ARMH3: variants seen among roughly 807,000 people sequenced by gnomAD.
The protein encoded by ARMH3 is armadillo like helical domain containing 3, also known as armadillo-like helical domain-containing protein 3.
A neutral mutation model predicts 99.1 loss-of-function variants in ARMH3; 60 were observed. That is an observed-to-expected ratio of 0.61 (90% CI 0.49 to 0.75). ARMH3 has a LOEUF of 0.75. Among genes scored for constraint, ARMH3 ranks in the 30% least tolerant of loss-of-function variants. The pLI is 0.00. For missense variants in ARMH3, 679 were observed against 843.1 expected, an observed-to-expected ratio of 0.81 and a Z score of 2.41; for synonymous variants, 285 against 292.8, an observed-to-expected ratio of 0.97 and a Z score of 0.27.
At chr10:101,937,239 T>TG (rs1157375610) in intron 23 of ARMH3, among the ~76,000 whole-genome samples, 1 of 152,150 alleles carries the variant, frequency 6.6e-6, no homozygotes, top group Admixed American at 6.5e-5. Flanking sequence ...ATGATTAGGC[T>TG]GGGCATGGTG....
At chr10:101,928,515 G>A (rs2135650141) in intron 23 of ARMH3, among the ~76,000 whole-genome samples, 1 of 152,210 alleles carries the variant, frequency 6.6e-6, no homozygotes, top group East Asian at 1.9e-4. Context: ...ACAAAAGACA[G>A]GGCACAAGCC....
At chr10:102,008,629 T>C (rs1423743989) in intron 13 of ARMH3, among the ~76,000 whole-genome samples, 1 of 152,166 alleles carries the variant, frequency 6.6e-6, no homozygotes, top group East Asian at 1.9e-4. Flanking sequence ...TTCGGCTCAC[T>C]GCAAGCTCTG....
At chr10:102,036,687 AGAGT>A (rs2067284511) in intron 2 of ARMH3, among the ~76,000 whole-genome samples, 1 of 152,050 alleles carries the variant, frequency 6.6e-6, no homozygotes, top group Admixed American at 6.6e-5. Context: ...AGGCTCGTTA[AGAGT>A]CATCACCACT....
Position 101,845,669 on chromosome 10 carries a change from A to C in ARMH3, c.*1859T>G, listed in dbSNP as rs41291492. 1 of 152,186 alleles carries C rather than the reference A, an allele frequency of 6.6e-6. No homozygotes were observed. The highest frequency in any genetic ancestry group is 1.5e-5 in the Non-Finnish European group (1 of 68,050). 9.4% of individuals were successfully genotyped at this position (152,186 alleles called of 1,614,324 possible). On this transcript the variant is annotated 3_prime_UTR_variant, in exon 26 of 26. Coordinates refer to ENST00000370033, the MANE Select transcript of ARMH3 (RefSeq NM_024541.3). The stretch of plus-strand genomic sequence containing the variant: ...AGCTCCAAATCCAGCTGCCTTGGGG[A>C]TTTATCACCAGGGAAAACACTAAAT...
chr10:101,966,285 GTTTTTTTT>G (rs34196495), intron 20 of ARMH3, among the ~76,000 whole-genome samples: 90 of 80,620 alleles, frequency 1.1e-3, no homozygotes, highest in African/African-American at 1.6e-3. Flanking sequence ...TTTGGTTTGG[GTTTTTTTT>G]TTTTTTTTTT....
chr10:101,948,592 A>G (rs1844655220), intron 22 of ARMH3, among the ~76,000 whole-genome samples: 1 of 152,238 alleles, frequency 6.6e-6, no homozygotes, highest in Non-Finnish European at 1.5e-5. Flanking sequence ...CAGCAGAGCT[A>G]CAAAACACAT....
At chr10:102,041,075 CATATATATATATATAATATAT>C (rs1333168422) in intron 1 of ARMH3, among the ~76,000 whole-genome samples, 4 of 132,006 alleles carry the variant, frequency 3.0e-5, no homozygotes, top group Non-Finnish European at 4.9e-5. Flanking sequence ...ATTGTGTGTA[CATATATATATATATAATATAT>C]ATATATATAT....
intron 20 of ARMH3, 46 bp downstream of exon 20, chr10:101,975,165 CA>C: frequency 1.2e-5 from 18 of 1,532,186 alleles, no homozygotes; most frequent in Admixed American, 1.7e-5. Flanking sequence ...CCTAGGGGCT[CA>C]AAAAAGGTAT....
chr10:101,998,513 G>C (rs1235773161), intron 15 of ARMH3, among the ~76,000 whole-genome samples: 1 of 152,298 alleles, frequency 6.6e-6, no homozygotes, highest in Non-Finnish European at 1.5e-5. Context: ...GAAGAAAAAA[G>C]TCTAAGTTTG....
At chr10:101,858,549 A>G (rs2066786705) in intron 24 of ARMH3, among the ~76,000 whole-genome samples, 1 of 152,032 alleles carries the variant, frequency 6.6e-6, no homozygotes. Context: ...AAATTGGGAG[A>G]AGTGACCTAT....
At chr10:102,025,799 G>A (rs2066987325) in intron 5 of ARMH3, among the ~76,000 whole-genome samples, 1 of 152,056 alleles carries the variant, frequency 6.6e-6, no homozygotes, top group African/African-American at 2.4e-5. Context: ...ACAGATGTGT[G>A]CCACCACACC....
chr10:102,021,001 AGTTT>A (rs1206695909), intron 8 of ARMH3, among the ~76,000 whole-genome samples: 1 of 152,064 alleles, frequency 6.6e-6, no homozygotes, highest in African/African-American at 2.4e-5. Flanking sequence ...ATTTTTTTAC[AGTTT>A]TTTTCATGTT....
chr10:101,873,550 T>G (rs1031463542), intron 24 of ARMH3, among the ~76,000 whole-genome samples: 2 of 152,192 alleles, frequency 1.3e-5, no homozygotes, highest in Non-Finnish European at 2.9e-5. Flanking sequence ...TTTTAGTATA[T>G]TCACACAGTT....
intron 24 of ARMH3, among the ~76,000 whole-genome samples, chr10:101,876,930 A>C (rs2067281155): frequency 6.6e-6 from 1 of 152,142 alleles, no homozygotes; most frequent in South Asian, 2.1e-4. Context: ...ACTACTGGCC[A>C]GGTGCGGTGG....
intron 23 of ARMH3, among the ~76,000 whole-genome samples, chr10:101,894,765 T>G (rs908355088): frequency 2.7e-5 from 4 of 149,118 alleles, no homozygotes; most frequent in Non-Finnish European, 5.9e-5. Context: ...GACAGCTACT[T>G]GGGGGGCTGA....
chr10:102,022,705 C>G (rs571407569), intron 8 of ARMH3, among the ~76,000 whole-genome samples: 1 of 148,074 alleles, frequency 6.8e-6, no homozygotes, highest in African/African-American at 2.4e-5. Context: ...CTCAGCCTCC[C>G]GAGTAGCTGG....
intron 1 of ARMH3, among the ~76,000 whole-genome samples, chr10:102,054,944 C>T (rs1304049748): frequency 1.3e-5 from 2 of 150,444 alleles, no homozygotes; most frequent in Non-Finnish European, 2.9e-5. Context: ...TGCAGTGAGC[C>T]GAGATCACGC....
chr10:102,020,003 G>A (rs553902940), intron 8 of ARMH3, among the ~76,000 whole-genome samples: 91 of 147,440 alleles, frequency 6.2e-4, no homozygotes, highest in African/African-American at 2.0e-3. Flanking sequence ...GGTGGATCAC[G>A]TGAGGTCAGG....
Position 102,030,880 on chromosome 10 carries a change from G to C in ARMH3, c.307-1135C>G, listed in dbSNP as rs1190019831. ...GCCTCACTGCAACCTCCACCTCCTG[G>C]GTTCAAGTGATTCCCATGCTTCGGT... On this transcript the variant is annotated intron_variant, in intron 4 of 25. Coordinates refer to ENST00000370033, the MANE Select transcript of ARMH3 (RefSeq NM_024541.3). Among the ~76,000 whole-genome samples the C allele has an allele frequency of 2.0e-5, 3 of 152,084 alleles. No individual in the cohort carries two copies. In the South Asian group the frequency reaches 6.2e-4, roughly 32 times the overall value.
Sources: allele counts gnomAD v4.1 joint callset (sites outside exome capture counted in the v4.1 genomes callset), GRCh38; gene constraint gnomAD v4.1.1; transcripts MANE v1.5; gene names NCBI Gene and HGNC (gene_info 2026-07-23, HGNC 2026-07-21).